Variants in RAB3GAP2 observed in about 807,000 individuals in gnomAD.
RAB3GAP2 encodes the protein RAB3 GTPase activating non-catalytic protein subunit 2, also known as rab3 GTPase-activating protein non-catalytic subunit.
Under a neutral mutation model 185.3 loss-of-function variants are expected in RAB3GAP2, and 87 were observed. That is an observed-to-expected ratio of 0.47 (90% CI 0.39 to 0.56). The LOEUF (loss-of-function observed/expected upper bound fraction) is 0.56, where lower values mean the gene tolerates loss of function less well. Among genes scored for constraint, RAB3GAP2 ranks in the 20% least tolerant of loss-of-function variants. The pLI, the probability that RAB3GAP2 is intolerant of heterozygous loss-of-function variation, is 0.00. For synonymous variants in RAB3GAP2, 554 were observed against 576.1 expected, an observed-to-expected ratio of 0.96 and a Z score of 0.55; for missense variants, 1,492 against 1,638.2, an observed-to-expected ratio of 0.91 and a Z score of 1.54.
At chr1:220,161,965 A>C (rs1657970774) in intron 28 of RAB3GAP2, among the ~76,000 whole-genome samples, 1 of 152,188 alleles carries the variant, frequency 6.6e-6, no homozygotes, top group South Asian at 2.1e-4. Flanking sequence ...TACCAGTCCT[A>C]ATCTCTTTAG....
Position 220,232,891 on chromosome 1 carries a change from G to A in RAB3GAP2, c.116-28C>T, listed in dbSNP as rs189549353. ...GTTTTTAAAAAGATGAACAATGCTT[G>A]CATGAAATATAGGGCTTTAAATATC... On this transcript the variant is annotated intron_variant, in intron 1 of 34. Coordinates refer to ENST00000358951, the MANE Select transcript of RAB3GAP2 (RefSeq NM_012414.4). 12 of 1,590,084 alleles carry A rather than the reference G, an allele frequency of 7.5e-6. No homozygotes were observed. The African/African-American group carries it at 1.2e-4, about 16-fold the overall frequency.
intron 31 of RAB3GAP2, 62 bp downstream of exon 31, chr1:220,157,208 A>T: frequency 7.1e-7 from 1 of 1,400,476 alleles, no homozygotes; most frequent in Non-Finnish European, 1.0e-6. Flanking sequence ...TAAATATGAA[A>T]ATCCATGTGT....
At chr1:220,262,632 G>GC in intron 1 of RAB3GAP2, among the ~76,000 whole-genome samples, 1 of 152,274 alleles carries the variant, frequency 6.6e-6, no homozygotes, top group African/African-American at 2.4e-5. Flanking sequence ...TCATGTTATA[G>GC]CATGTGACAT....
At chr1:220,262,716 C>T (rs1036817911) in intron 1 of RAB3GAP2, among the ~76,000 whole-genome samples, 3 of 152,168 alleles carry the variant, frequency 2.0e-5, no homozygotes, top group Non-Finnish European at 2.9e-5. Flanking sequence ...ATTCATCCAT[C>T]GATGGGCATT....
At chr1:220,179,215 C>T (rs765661920) in intron 21 of RAB3GAP2, among the ~76,000 whole-genome samples, 2 of 145,550 alleles carry the variant, frequency 1.4e-5, no homozygotes, top group Non-Finnish European at 3.0e-5. Context: ...TGACACTGCA[C>T]TCCCGCCTGG....
At chr1:220,235,394 C>T (rs961720899) in intron 1 of RAB3GAP2, among the ~76,000 whole-genome samples, 5 of 152,122 alleles carry the variant, frequency 3.3e-5, no homozygotes, top group Admixed American at 3.3e-4. Flanking sequence ...TGTATTATCT[C>T]TTACATTAGA....
chr1:220,179,967 T>C (rs950948466), intron 21 of RAB3GAP2, among the ~76,000 whole-genome samples: 2 of 151,932 alleles, frequency 1.3e-5, no homozygotes, highest in African/African-American at 4.8e-5. Context: ...ATCGAGACCA[T>C]CCTGGCCAAC....
At chr1:220,153,470 C>G (rs781405756) in intron 32 of RAB3GAP2, 64 bp from the exon 33 acceptor site, 38 of 1,430,102 alleles carry the variant, frequency 2.7e-5, no homozygotes, top group Middle Eastern at 1.9e-4. Flanking sequence ...ATACCTAAAC[C>G]AAGTATTGTT....
At chr1:220,212,998 A>C (rs1397277386) in intron 3 of RAB3GAP2, 30 bp from the exon 4 acceptor site, 1 of 1,513,292 alleles carries the variant, frequency 6.6e-7, no homozygotes, top group Non-Finnish European at 9.1e-7. Context: ...ATATAAAATA[A>C]TTTTAGCTAT....
chr1:220,160,286 A>C (rs1010594617), intron 28 of RAB3GAP2, among the ~76,000 whole-genome samples: 4 of 152,184 alleles, frequency 2.6e-5, no homozygotes, highest in Non-Finnish European at 4.4e-5. Context: ...TTGATAAGAG[A>C]GGAAACTCAC....
chr1:220,217,979 T>C (rs1659229367), intron 2 of RAB3GAP2, among the ~76,000 whole-genome samples: 1 of 152,154 alleles, frequency 6.6e-6, no homozygotes, highest in African/African-American at 2.4e-5. Context: ...ATGAATTTTG[T>C]CCCAAAAGGA....
At chr1:220,156,624 G>A (rs989348555) in intron 31 of RAB3GAP2, among the ~76,000 whole-genome samples, 2 of 152,192 alleles carry the variant, frequency 1.3e-5, no homozygotes, top group Non-Finnish European at 2.9e-5. Context: ...GCGTGATTAA[G>A]AAAGGGCTGT....
Position 220,150,472 on chromosome 1 carries a change from ACAT to A in RAB3GAP2, c.*776_*778del, listed in dbSNP as rs1657729422. 8.6e-6 allele frequency: 1 copy of A among 116,754 alleles called. No homozygotes were observed. The highest frequency in any genetic ancestry group is 8.9e-5 in the Admixed American group (1 of 11,296). 7.2% of individuals were successfully genotyped at this position (116,754 alleles called of 1,614,324 possible). On this transcript the variant is annotated 3_prime_UTR_variant, in exon 35 of 35. Transcript: ENST00000358951. ...TTGCCTTTTTTTTTTTTTTTTTTTT[ACAT>A]AAGTTTTACAAGATAATACATTTTT... is the stretch of plus-strand genomic sequence containing the variant.
intron 33 of RAB3GAP2, among the ~76,000 whole-genome samples, chr1:220,152,528 G>T (rs1005051724): frequency 2.0e-5 from 3 of 152,068 alleles, no homozygotes; most frequent in Non-Finnish European, 4.4e-5. Flanking sequence ...TCTAGTCCTG[G>T]ACCTAGTCAT....
chr1:220,204,867 G>A (rs1658934213), intron 8 of RAB3GAP2, among the ~76,000 whole-genome samples: 1 of 151,588 alleles, frequency 6.6e-6, no homozygotes, highest in Non-Finnish European at 1.5e-5. Flanking sequence ...ATAGTTTGCT[G>A]AGAATGGTTT....
chr1:220,227,788 G>A, intron 2 of RAB3GAP2, among the ~76,000 whole-genome samples: 1 of 152,224 alleles, frequency 6.6e-6, no homozygotes, highest in East Asian at 1.9e-4. Context: ...GTCTTACTCT[G>A]TTGCTCAGGC....
At chr1:220,196,492 T>C in intron 9 of RAB3GAP2, 94 bp from the exon 10 acceptor site, 2 of 1,255,266 alleles carry the variant, frequency 1.6e-6, no homozygotes, top group Middle Eastern at 2.1e-4. Flanking sequence ...AATGTTTAGT[T>C]TTATTTAATA....
intron 8 of RAB3GAP2, among the ~76,000 whole-genome samples, chr1:220,203,089 T>C (rs921479784): frequency 6.6e-6 from 1 of 152,214 alleles, no homozygotes. Context: ...AAAAACCTGA[T>C]ATACTTGGCA....
At chr1:220,180,379 C>T (rs1397149823) in intron 21 of RAB3GAP2, among the ~76,000 whole-genome samples, 2 of 151,522 alleles carry the variant, frequency 1.3e-5, no homozygotes, top group Non-Finnish European at 2.9e-5. Flanking sequence ...AAAAGATAAA[C>T]AAAATCAACA....
Sources: allele counts gnomAD v4.1 joint callset (sites outside exome capture counted in the v4.1 genomes callset), GRCh38; gene constraint gnomAD v4.1.1; transcripts MANE v1.5; gene names NCBI Gene and HGNC (gene_info 2026-07-23, HGNC 2026-07-21).